The following MCIDAS variants were observed in gnomAD, a reference collection of about 807,000 sequenced individuals.
The protein encoded by MCIDAS is multiciliate differentiation and DNA synthesis associated cell cycle protein, also known as multicilin.
A neutral mutation model predicts 35.4 loss-of-function variants in MCIDAS; 23 were observed. The ratio of observed to expected loss-of-function variants is 0.65; its 90% CI spans 0.47 to 0.92. The LOEUF is 0.92. MCIDAS is among the 40% of genes least tolerant of loss of function. The pLI is 0.00. For synonymous variants in MCIDAS, 228 were observed against 235.2 expected, an observed-to-expected ratio of 0.97 and a Z score of 0.28; for missense variants, 480 against 531.8, an observed-to-expected ratio of 0.90 and a Z score of 0.96.
chr5:55,220,439 G>A lies in MCIDAS; in HGVS notation c.1085C>T (p.Ala362Val), dbSNP rs539275390. ...GGTGAAGGCATTGCCCTGGGGGAAGGCGAGGGTGCGGATGGTGCTGTGGCT... is the reference window on the plus strand; with the variant it reads ...GGTGAAGGCATTGCCCTGGGGGAAGACGAGGGTGCGGATGGTGCTGTGGCT... ...IRSHSTIRTL[A>V]FPQGNAFTIR... Residue 362 changes from alanine to valine, a missense_variant, in exon 7 of 7, where the codon GCC (alanine) becomes GTC (valine). Coordinates refer to ENST00000513312, the MANE Select transcript of MCIDAS (RefSeq NM_001190787.3). 8.5e-5 allele frequency: 130 copies of A among 1,536,080 alleles called. No homozygotes were observed. In the African/African-American group the frequency reaches 1.7e-3, roughly 20 times the overall value.
At chr5:55,222,457 G>T in intron 4 of MCIDAS, 58 bp from the exon 5 acceptor site, 3 of 1,356,680 alleles carry the variant, frequency 2.2e-6, no homozygotes, top group African/African-American at 2.9e-5. Context: ...CTAGTTACAG[G>T]AGCAAAATGC....
chr5:55,220,486 G>A lies in MCIDAS; in HGVS notation c.1038C>T (p.Gly346=). 1 of 1,536,028 alleles carries A rather than the reference G, an allele frequency of 6.5e-7. No homozygotes were observed. The highest frequency in any genetic ancestry group is 2.4e-5 in the East Asian group (1 of 40,914). Residue 346 remains glycine, a synonymous_variant, in exon 7 of 7, where the codon GGC becomes GGT. Transcript: ENST00000513312. ...NLSHSELEEG[G]SFSTRIRSHS... The stretch of plus-strand genomic sequence containing the variant: ...GGCTGCGGATGCGGGTGCTGAAGGA[G>A]CCGCCCTCCTCCAGCTCACTGTGGC...
At chr5:55,220,941 C>A in intron 6 of MCIDAS, 75 bp downstream of exon 6, 3 of 1,459,122 alleles carry the variant, frequency 2.1e-6, no homozygotes, top group Middle Eastern at 1.9e-4. Flanking sequence ...CCACGGGTCC[C>A]GATGCTGGGC....
chr5:55,219,612 T>A lies in MCIDAS; in HGVS notation c.*754A>T, dbSNP rs1467199789. The A allele has an allele frequency of 1.3e-5, 2 of 152,046 alleles. No homozygotes were observed. The highest frequency in any genetic ancestry group is 2.9e-5 in the Non-Finnish European group (2 of 67,996). 9.4% of individuals were successfully genotyped at this position (152,046 alleles called of 1,614,324 possible). A position where few individuals can be genotyped will look rare whatever the true frequency, so the allele number is the denominator to read the frequency against. On this transcript the variant is annotated 3_prime_UTR_variant, in exon 7 of 7. Coordinates refer to ENST00000513312, the MANE Select transcript of MCIDAS (RefSeq NM_001190787.3). ...TTCTTAAAACAATATATATTTCTCA[T>A]TAACACTGTTTGCTTATAGGTGGTT... is the stretch of plus-strand genomic sequence containing the variant.
chr5:55,221,200 AC>A (rs1446093227), intron 5 of MCIDAS, 74 bp from the exon 6 acceptor site: 1 of 1,030,146 alleles, frequency 9.7e-7, no homozygotes, highest in Non-Finnish European at 1.4e-6. Flanking sequence ...CATGAATCAA[AC>A]CCAGATCCTG....
intron 3 of MCIDAS, among the ~76,000 whole-genome samples, chr5:55,226,301 A>T (rs1745452446): frequency 6.6e-6 from 1 of 152,098 alleles, no homozygotes; most frequent in Non-Finnish European, 1.5e-5. Flanking sequence ...CAAAGAGTAG[A>T]TAGGGTGGGA....
chr5:55,222,536 T>C (rs1335258043), intron 4 of MCIDAS, 137 bp from the exon 5 acceptor site: 1 of 696,700 alleles, frequency 1.4e-6, no homozygotes, highest in Non-Finnish European at 2.3e-6. Flanking sequence ...CCTAAACGCC[T>C]GATTACGAGG....
rs1745341550 is a variant in MCIDAS at position 55,220,819 on chromosome 5, G to A, written c.718-13C>T. The A allele has an allele frequency of 6.6e-7, 1 of 1,519,398 alleles. No homozygotes were observed. The highest frequency in any genetic ancestry group is 8.8e-7 in the Non-Finnish European group (1 of 1,135,344). The allele number at this position is 1,519,398 out of a possible 1,614,324, so 94.1% of individuals were successfully genotyped here. On this transcript the variant is annotated splice_polypyrimidine_tract_variant and intron_variant, in intron 6 of 6. Coordinates refer to ENST00000513312, the MANE Select transcript of MCIDAS (RefSeq NM_001190787.3). ...TGATCATCAGCTTCTACGAAAGACA[G>A]GGAAGAGCGCCGCCCTGGGGCCTGC...
rs77412861 is a variant in MCIDAS at position 55,223,103 on chromosome 5, A to T, written c.310-80T>A. ...CAATAAATATTGGCGTCCCTGTTAA[A>T]AATCTGGCAGGCACTATGCAATATA... On this transcript the variant is annotated intron_variant, in intron 3 of 6. Coordinates refer to ENST00000513312, the MANE Select transcript of MCIDAS (RefSeq NM_001190787.3). The surrounding 1 kb of genome is among the most constrained non-coding windows in gnomAD (Gnocchi z 4.4). The T allele has an allele frequency of 5.9e-5, 71 of 1,209,386 alleles. 1 individual carries two copies. In the East Asian group the frequency reaches 1.7e-3, roughly 29 times the overall value. The allele number at this position is 1,209,386 out of a possible 1,614,324, so 74.9% of individuals were successfully genotyped here. A position where few individuals can be genotyped will look rare whatever the true frequency, so the allele number is the denominator to read the frequency against.
intron 3 of MCIDAS, among the ~76,000 whole-genome samples, chr5:55,226,024 T>A (rs1745448550): frequency 6.6e-6 from 1 of 152,214 alleles, no homozygotes; most frequent in Non-Finnish European, 1.5e-5. Context: ...GCTGAAGGAC[T>A]GTCTCTGCAG....
At chr5:55,224,368 C>T (rs1745418363) in intron 3 of MCIDAS, among the ~76,000 whole-genome samples, 1 of 152,156 alleles carries the variant, frequency 6.6e-6, no homozygotes. Flanking sequence ...TAAAATATTT[C>T]TGGGAAGAGG....
rs1745332483 is a variant in MCIDAS at position 55,220,509 on chromosome 5, G to C, written c.1015C>G (p.His339Asp). 3 of 1,535,992 alleles carry C rather than the reference G, an allele frequency of 2.0e-6. No individual in the cohort carries two copies. The highest frequency in any genetic ancestry group is 1.4e-5 in the African/African-American group (1 of 73,050). Residue 339 changes from histidine to aspartate, a missense_variant, in exon 7 of 7, where the codon CAC (histidine) becomes GAC (aspartate). Physicochemically the swap from His to Asp is moderately conservative, Grantham distance 81 (BLOSUM62 -1). Coordinates refer to ENST00000513312, the MANE Select transcript of MCIDAS (RefSeq NM_001190787.3). ...DCSRSALNLS[H>D]SELEEGGSFS... ...GAGCCGCCCTCCTCCAGCTCACTGTGGCTCAGGTTCAACGCGCTCCGGCTG... is the reference window on the plus strand; with the variant it reads ...GAGCCGCCCTCCTCCAGCTCACTGTCGCTCAGGTTCAACGCGCTCCGGCTG...
chr5:55,222,161 G>C lies in MCIDAS; in HGVS notation c.606+15C>G. The C allele has an allele frequency of 6.5e-7, 1 of 1,533,864 alleles. No homozygotes were observed. Among genetic ancestry groups the C allele is most frequent in the Non-Finnish European group, 8.7e-7 (1 of 1,146,554 alleles). On this transcript the variant is annotated intron_variant, in intron 5 of 6. Transcript: ENST00000513312. ...CCTGCCCCAGGATTCCTGGTCGCCA[G>C]ACCAGTGTCCCTACTTGATTATTCT...
intron 4 of MCIDAS, 103 bp downstream of exon 4, chr5:55,222,848 T>G: frequency 1.2e-5 from 11 of 953,306 alleles, no homozygotes; most frequent in Non-Finnish European, 1.8e-5. Flanking sequence ...TCGTTGACAG[T>G]TGGCTGGGTT....
At chr5:55,221,389 G>A (rs1408128560) in intron 5 of MCIDAS, among the ~76,000 whole-genome samples, 1 of 152,122 alleles carries the variant, frequency 6.6e-6, no homozygotes, top group East Asian at 1.9e-4. Flanking sequence ...TGTCACCGAA[G>A]TTCAACAATC....
rs554487528 is a variant in MCIDAS, at chr5:55,223,506, G to A, written c.310-483C>T. Among the ~76,000 whole-genome samples, 1 of 152,320 alleles carries A rather than the reference G, an allele frequency of 6.6e-6. No homozygotes were observed. The highest frequency in any genetic ancestry group is 1.9e-4 in the East Asian group (1 of 5,166). On this transcript the variant is annotated intron_variant, in intron 3 of 6. Coordinates refer to ENST00000513312, the MANE Select transcript of MCIDAS (RefSeq NM_001190787.3). The surrounding 1 kb of genome is among the most constrained non-coding windows in gnomAD (Gnocchi z 4.4). ...CCACCCACCAACTAGCTAAGCAGCC[G>A]CCTCTGTGAAGCTCGGCGGTTCCCT...
intron 1 of MCIDAS, 25 bp downstream of exon 1, chr5:55,226,994 G>T (rs911499791): frequency 1.3e-5 from 20 of 1,516,924 alleles, no homozygotes; most frequent in Admixed American, 4.0e-5. Flanking sequence ...CGCAGACCCC[G>T]CCCGGCCCGA....
At position 55,227,002 on chromosome 5, in the gene MCIDAS, C is replaced by T. The variant is rs1300983323; in HGVS notation, c.120+17G>A. On this transcript the variant is annotated intron_variant, in intron 1 of 6. Coordinates refer to ENST00000513312, the MANE Select transcript of MCIDAS (RefSeq NM_001190787.3). Reference sequence around the variant, plus strand: ...CCGAGCGCGCAGACCCCGCCCGGCCCGAATCAACCGCCCCACCTTCCTCTC... The same window carrying T: ...CCGAGCGCGCAGACCCCGCCCGGCCTGAATCAACCGCCCCACCTTCCTCTC... 6.6e-7 allele frequency: 1 copy of T among 1,519,386 alleles called. No homozygotes were observed. The highest frequency in any genetic ancestry group is 8.8e-7 in the Non-Finnish European group (1 of 1,140,008). The allele number at this position is 1,519,386 out of a possible 1,614,324, so 94.1% of individuals were successfully genotyped here. A position where few individuals can be genotyped will look rare whatever the true frequency, so the allele number is the denominator to read the frequency against.
Position 55,220,371 on chromosome 5 carries a change from TG to T in MCIDAS, c.1152del (p.Ser385ValfsTer4). 6.5e-7 allele frequency: 1 copy of T among 1,534,342 alleles called. No homozygotes were observed. Among genetic ancestry groups the T allele is most frequent in the Non-Finnish European group, 8.7e-7 (1 of 1,145,620 alleles). On this transcript the variant is annotated frameshift_variant, in exon 7 of 7. Coordinates refer to ENST00000513312, the MANE Select transcript of MCIDAS (RefSeq NM_001190787.3). LOFTEE classifies it high-confidence loss of function. ...ANGGYKFRWV[P>X]S is the part of the protein sequence containing the mutation. The stretch of plus-strand genomic sequence containing the variant: ...TTGGGGGACCACATCACAGCTCAAC[TG>T]GGGACCCAGCGGAACTTGTAACCCC...
Sources: allele counts gnomAD v4.1 joint callset (sites outside exome capture counted in the v4.1 genomes callset), GRCh38; gene constraint gnomAD v4.1.1; non-coding constraint Gnocchi (gnomAD v3.1); transcripts MANE v1.5; gene names NCBI Gene and HGNC (gene_info 2026-07-23, HGNC 2026-07-21).